The following PCDHA9 variants were observed in gnomAD, a reference collection of about 807,000 sequenced individuals.
PCDHA9 encodes the protein protocadherin alpha-9.
PCDHA9 carries 62 observed loss-of-function variants against 62.0 expected under a neutral mutation model. The ratio of observed to expected loss-of-function variants is 1.00; its 90% CI spans 0.81 to 1.23. The LOEUF is 1.23. Among genes scored for constraint, PCDHA9 ranks in the 50% most tolerant of loss-of-function variants. The probability of loss-of-function intolerance (pLI) is 0.00; values close to 1 mark genes in which losing one functional copy is unlikely to be tolerated. For synonymous variants in PCDHA9, 557 were observed against 567.6 expected (o/e 0.98, Z 0.27); for missense variants, 1,205 against 1,249.8 (o/e 0.96, Z 0.54).
At chr5:140,892,111 A>G (rs918433393) in intron 1 of PCDHA9, among the ~76,000 whole-genome samples, 3 of 152,206 alleles carry the variant, frequency 2.0e-5, no homozygotes, top group Admixed American at 2.0e-4. Context: ...CTTGGCATTT[A>G]TATCTGGAAC....
chr5:140,849,121 A>G lies in PCDHA9; in HGVS notation c.626A>G (p.His209Arg), dbSNP rs2150430770. The change falls in exon 1 of 4, where the codon CAT becomes CGT. Residue 209 changes from histidine to arginine, a missense_variant. This residue lies in a region of PCDHA9 where 110 missense variants were observed against 227.2 expected (regional missense o/e 0.48). Coordinates refer to ENST00000532602, the MANE Select transcript of PCDHA9 (RefSeq NM_031857.2). Reference sequence around the variant, plus strand: ...GACAGAGAAGAAACTCCGGAGCTTCATTTATTGCTCACGGCCACCGATGGA... The same window carrying G: ...GACAGAGAAGAAACTCCGGAGCTTCGTTTATTGCTCACGGCCACCGATGGA... Reference protein sequence around the residue: ...LLDREETPELHLLLTATDGGK... With the variant: ...LLDREETPELRLLLTATDGGK... The G allele has an allele frequency of 5.0e-6, 7 of 1,407,396 alleles. No homozygotes were observed. The highest frequency in any genetic ancestry group is 1.9e-6 in the Non-Finnish European group (2 of 1,037,982). 87.2% of individuals were successfully genotyped at this position (1,407,396 alleles called of 1,614,324 possible).
chr5:140,899,664 G>T (rs1263525075), intron 1 of PCDHA9, among the ~76,000 whole-genome samples: 17 of 152,124 alleles, frequency 1.1e-4, no homozygotes, highest in Admixed American at 1.0e-3. Flanking sequence ...GTCTCTGCCC[G>T]GCTTTGGTAT....
In PCDHA9 at chr5:140,869,069, A is replaced by G. The variant is rs781835431; in HGVS notation, c.2394+18180A>G. 4 of 1,572,072 alleles carry G rather than the reference A, an allele frequency of 2.5e-6. No individual in the cohort carries two copies. The East Asian group carries it at 9.0e-5, about 35-fold the overall frequency. ...CTGAAGAATCTGGTACTGTAAGTGT[A>G]AAGAAGCTTATTTTGGAAGCCAATT... On this transcript the variant is annotated intron_variant, in intron 1 of 3. Coordinates refer to ENST00000532602, the MANE Select transcript of PCDHA9 (RefSeq NM_031857.2).
At position 140,969,018 on chromosome 5, in the gene PCDHA9, G is replaced by A. The variant is rs143196630; in HGVS notation, c.2395-9931G>A. On this transcript the variant is annotated intron_variant, in intron 1 of 3. Transcript: ENST00000532602. ...GGAGGCTTCTGTGGAGTAAGGGAAA[G>A]GTCCCCTGCAGAACTGTACAAACAA... 33 of 1,614,058 alleles carry A rather than the reference G, an allele frequency of 2.0e-5. 1 individual carries two copies. In the Middle Eastern group the frequency reaches 4.9e-4, roughly 24 times the overall value.
At chr5:140,871,113 G>A (rs782238733) in intron 1 of PCDHA9, 24 of 1,613,188 alleles carry the variant, frequency 1.5e-5, no homozygotes, top group South Asian at 7.7e-5. Flanking sequence ...CGTTGGTGGA[G>A]AGCGGACAGG....
At chr5:140,883,573 G>C in intron 1 of PCDHA9, 7 of 1,614,076 alleles carry the variant, frequency 4.3e-6, no homozygotes, top group Non-Finnish European at 5.9e-6. Flanking sequence ...CGCCTTCGCT[G>C]TGGGCCACGG....
At chr5:141,006,837 TG>T (rs1477008780) in intron 3 of PCDHA9, among the ~76,000 whole-genome samples, 2 of 152,186 alleles carry the variant, frequency 1.3e-5, no homozygotes, top group African/African-American at 4.8e-5. Context: ...TGTAATTTAC[TG>T]AAACTGGAAA....
chr5:140,856,858 AGG>A, intron 1 of PCDHA9: 1 of 1,594,634 alleles, frequency 6.3e-7, no homozygotes, highest in Non-Finnish European at 8.6e-7. Context: ...ATTCGGATGA[AGG>A]AATAAACAAG....
intron 3 of PCDHA9, among the ~76,000 whole-genome samples, chr5:140,999,088 G>A (rs1429141341): frequency 1.3e-5 from 2 of 152,274 alleles, no homozygotes; most frequent in African/African-American, 4.8e-5. Flanking sequence ...TCCTTCAGAG[G>A]GCTATGGAGA....
Position 140,963,857 on chromosome 5 carries a change from G to A in PCDHA9, c.2395-15092G>A, listed in dbSNP as rs181224305. The stretch of plus-strand genomic sequence containing the variant: ...TTCTCATGTAATCATAATAATAACC[G>A]TATGAGTTTTGCTTACTATTGTTTT... On this transcript the variant is annotated intron_variant, in intron 1 of 3. Transcript: ENST00000532602. Among the ~76,000 whole-genome samples the A allele has an allele frequency of 5.3e-5, 8 of 152,252 alleles. 1 individual carries two copies. The East Asian group carries it at 7.7e-4, about 15-fold the overall frequency.
chr5:140,924,253 A>G (rs550218351), intron 1 of PCDHA9, among the ~76,000 whole-genome samples: 1 of 152,212 alleles, frequency 6.6e-6, no homozygotes, highest in African/African-American at 2.4e-5. Context: ...TCCTGGTGAG[A>G]TCTAATGAGG....
chr5:140,938,797 G>A (rs76361474), intron 1 of PCDHA9, among the ~76,000 whole-genome samples: 2 of 151,926 alleles, frequency 1.3e-5, no homozygotes, highest in East Asian at 1.9e-4. Flanking sequence ...TGAAATAATC[G>A]GTACCACAAA....
intron 1 of PCDHA9, chr5:140,969,200 G>C (rs2096305926): frequency 1.2e-6 from 2 of 1,614,132 alleles, no homozygotes; most frequent in Non-Finnish European, 1.7e-6. Flanking sequence ...TTACAATACA[G>C]GGGCCCAGAC....
rs1214485732 is a variant in PCDHA9, at chr5:141,010,285, C to T, written c.*348C>T. On this transcript the variant is annotated 3_prime_UTR_variant, in exon 4 of 4. Coordinates refer to ENST00000532602, the MANE Select transcript of PCDHA9 (RefSeq NM_031857.2). The stretch of plus-strand genomic sequence containing the variant: ...CTCCGGGGATCCTGTCTTGATGACA[C>T]TTGCAGGGCAGGCTGAAAAGTTTTG... The T allele has an allele frequency of 1.3e-6, 2 of 1,550,458 alleles. No homozygotes were observed. The highest frequency in any genetic ancestry group is 1.7e-6 in the Non-Finnish European group (2 of 1,146,698).
intron 1 of PCDHA9, among the ~76,000 whole-genome samples, chr5:140,921,683 C>T (rs1554200360): frequency 6.6e-6 from 1 of 152,154 alleles, no homozygotes; most frequent in East Asian, 1.9e-4. Flanking sequence ...TCATCAAACA[C>T]TGGCCACCTC....
At chr5:140,887,704 C>A (rs1554183178) in intron 1 of PCDHA9, among the ~76,000 whole-genome samples, 1 of 152,104 alleles carries the variant, frequency 6.6e-6, no homozygotes, top group East Asian at 1.9e-4. Context: ...ATCAACCATA[C>A]TTCTTCTAAT....
intron 1 of PCDHA9, chr5:140,884,671 A>G (rs1554181819): frequency 1.3e-6 from 2 of 1,562,846 alleles, no homozygotes; most frequent in African/African-American, 2.7e-5. Context: ...AGGTAAGCTT[A>G]TATTTTAAAA....
At chr5:140,890,781 A>G (rs2153431855) in intron 1 of PCDHA9, among the ~76,000 whole-genome samples, 1 of 152,280 alleles carries the variant, frequency 6.6e-6, no homozygotes, top group African/African-American at 2.4e-5. Context: ...ACCCCATAAG[A>G]TATTAGTATT....
At chr5:141,005,701 CAAA>C (rs59860837) in intron 3 of PCDHA9, among the ~76,000 whole-genome samples, 30 of 7,778 alleles carry the variant, frequency 3.9e-3, no homozygotes, top group African/African-American at 0.012. Context: ...AACTCCGTCT[CAAA>C]AAAAAAAAAA....
Sources: allele counts gnomAD v4.1 joint callset (sites outside exome capture counted in the v4.1 genomes callset), GRCh38; gene constraint gnomAD v4.1.1; regional missense constraint gnomAD v4.1.1; transcripts MANE v1.5; gene names NCBI Gene and HGNC (gene_info 2026-07-23, HGNC 2026-07-21).